The following VPS8 variants were observed in gnomAD, a reference collection of about 807,000 sequenced individuals.
The protein encoded by VPS8 is vacuolar protein sorting-associated protein 8 homolog.
A neutral mutation model predicts 216.4 loss-of-function variants in VPS8; 129 were observed. That is an observed-to-expected ratio of 0.60 (90% CI 0.52 to 0.69). The LOEUF (loss-of-function observed/expected upper bound fraction) is 0.69, where lower values mean the gene tolerates loss of function less well. Among genes scored for constraint, VPS8 ranks in the 30% least tolerant of loss-of-function variants. The probability of loss-of-function intolerance (pLI) is 0.00; values close to 1 mark genes in which losing one functional copy is unlikely to be tolerated. For missense variants in VPS8, 1,531 were observed against 1,683.5 expected (o/e 0.91, Z 1.59); for synonymous variants, 571 against 565.4 (o/e 1.01, Z -0.14).
chr3:184,832,463 C>A (rs1036805963), intron 3 of VPS8, among the ~76,000 whole-genome samples: 2 of 152,114 alleles, frequency 1.3e-5, no homozygotes, highest in African/African-American at 4.8e-5. Context: ...CTTCTTCCTG[C>A]TACACGAAAG....
intron 21 of VPS8, among the ~76,000 whole-genome samples, chr3:184,878,180 G>A (rs1174129752): frequency 1.3e-5 from 2 of 151,146 alleles, no homozygotes; most frequent in Non-Finnish European, 2.9e-5. Flanking sequence ...GCATGATCTC[G>A]GCTCACTGCA....
intron 21 of VPS8, among the ~76,000 whole-genome samples, chr3:184,875,396 A>G (rs1398094481): frequency 1.3e-5 from 2 of 152,074 alleles, no homozygotes; most frequent in African/African-American, 2.4e-5. Flanking sequence ...ATCTTGTCAC[A>G]TTTTGGACAG....
At chr3:184,849,677 T>C (rs576309266) in intron 9 of VPS8, 15 of 453,398 alleles carry the variant, frequency 3.3e-5, no homozygotes, top group African/African-American at 3.0e-4. Context: ...ATTAGAGAAA[T>C]ATCTTTTGTC....
intron 28 of VPS8, among the ~76,000 whole-genome samples, chr3:184,919,739 T>G (rs2109125469): frequency 6.6e-6 from 1 of 152,340 alleles, no homozygotes; most frequent in Admixed American, 6.5e-5. Flanking sequence ...AAAATGTGTC[T>G]TAGTTATTTC....
intron 44 of VPS8, among the ~76,000 whole-genome samples, chr3:184,998,542 G>A (rs1017445304): frequency 2.0e-5 from 2 of 101,712 alleles, no homozygotes; most frequent in Admixed American, 1.0e-4. Context: ...TATATATAGC[G>A]AGAGAGAGAG....
chr3:184,869,531 G>T lies in VPS8; in HGVS notation c.1644+3G>T. 2 of 1,613,226 alleles carry T rather than the reference G, an allele frequency of 1.2e-6. No individual in the cohort carries two copies. The highest frequency in any genetic ancestry group is 1.7e-6 in the Non-Finnish European group (2 of 1,179,400). On this transcript the variant is annotated splice_donor_region_variant and intron_variant, in intron 20 of 47. Transcript: ENST00000625842. ...GAAAGGCTATTGTTGCAGACCGGGT[G>T]AGTATTTTAAGAGGGTCTTTACTAG...
At chr3:185,001,727 G>A (rs1753452504) in intron 45 of VPS8, among the ~76,000 whole-genome samples, 1 of 152,148 alleles carries the variant, frequency 6.6e-6, no homozygotes, top group Non-Finnish European at 1.5e-5. Flanking sequence ...TCTAACCATG[G>A]CTTGGTCTTT....
At chr3:184,939,297 C>G (rs1281017673) in intron 35 of VPS8, among the ~76,000 whole-genome samples, 1 of 151,718 alleles carries the variant, frequency 6.6e-6, no homozygotes, top group East Asian at 1.9e-4. Context: ...AATAGAAAAT[C>G]AGACTGATAA....
intron 45 of VPS8, among the ~76,000 whole-genome samples, chr3:185,000,836 A>C (rs1753315953): frequency 6.6e-6 from 1 of 151,946 alleles, no homozygotes; most frequent in Non-Finnish European, 1.5e-5. Context: ...CGATCTCCTG[A>C]CCTCGTGATC....
At chr3:184,927,402 A>G (rs2109205266) in intron 31 of VPS8, among the ~76,000 whole-genome samples, 1 of 152,292 alleles carries the variant, frequency 6.6e-6, no homozygotes, top group East Asian at 1.9e-4. Context: ...TTATCCGCAC[A>G]GCTATGGCCC....
chr3:184,887,530 A>G (rs1429105643), intron 22 of VPS8, among the ~76,000 whole-genome samples: 1 of 152,016 alleles, frequency 6.6e-6, no homozygotes, highest in Non-Finnish European at 1.5e-5. Context: ...TATCATCCAC[A>G]TTTTATATAA....
chr3:185,003,459 C>T (rs1384934180), intron 45 of VPS8, among the ~76,000 whole-genome samples: 1 of 144,532 alleles, frequency 6.9e-6, no homozygotes, highest in Admixed American at 6.9e-5. Context: ...TCAGAGAGCA[C>T]AGGGTTGGGG....
intron 1 of VPS8, among the ~76,000 whole-genome samples, chr3:184,823,620 TTC>T (rs1311912047): frequency 6.6e-6 from 1 of 152,236 alleles, no homozygotes; most frequent in East Asian, 1.9e-4. Flanking sequence ...AGGGCATTGT[TTC>T]TGTTTTCATA....
Position 184,869,597 on chromosome 3 carries a change from TG to T in VPS8, c.1644+72del. 3 of 1,483,204 alleles carry T rather than the reference TG, an allele frequency of 2.0e-6. No homozygotes were observed. In the South Asian group the frequency reaches 3.5e-5, roughly 17 times the overall value. The allele number at this position is 1,483,204 out of a possible 1,614,324, so 91.9% of individuals were successfully genotyped here. On this transcript the variant is annotated intron_variant, in intron 20 of 47. Transcript: ENST00000625842. Reference sequence around the variant, plus strand: ...TGCTTTTGTCATTTGCCAGTATCTTTGGGCATGAGTAGATAAATGGCTACAA... The same window carrying T: ...TGCTTTTGTCATTTGCCAGTATCTTTGGCATGAGTAGATAAATGGCTACAA...
intron 46 of VPS8, among the ~76,000 whole-genome samples, chr3:185,032,866 AC>A (rs1161380412): frequency 6.6e-6 from 1 of 152,120 alleles, no homozygotes; most frequent in Non-Finnish European, 1.5e-5. Flanking sequence ...ACGGGGTTTC[AC>A]CGAGTTAGCC....
intron 4 of VPS8, among the ~76,000 whole-genome samples, chr3:184,833,475 G>A (rs1161320313): frequency 2.6e-5 from 4 of 152,158 alleles, no homozygotes; most frequent in African/African-American, 4.8e-5. Flanking sequence ...GATAGGGGCT[G>A]TTGCTGGATA....
intron 11 of VPS8, among the ~76,000 whole-genome samples, chr3:184,853,590 G>C (rs1418388231): frequency 1.3e-5 from 2 of 152,178 alleles, no homozygotes; most frequent in Non-Finnish European, 2.9e-5. Context: ...GGAGTGAAGG[G>C]AGAGCCAGAT....
chr3:184,888,137 G>A (rs1731644676), intron 22 of VPS8, among the ~76,000 whole-genome samples: 1 of 151,904 alleles, frequency 6.6e-6, no homozygotes, highest in South Asian at 2.1e-4. Context: ...ACAGGCGCCC[G>A]CCACCATGCC....
intron 2 of VPS8, among the ~76,000 whole-genome samples, chr3:184,825,725 AC>A (rs1718615843): frequency 6.6e-6 from 1 of 151,794 alleles, no homozygotes; most frequent in Non-Finnish European, 1.5e-5. Flanking sequence ...TTATGATGAA[AC>A]CCCATCTCTA....
Sources: allele counts gnomAD v4.1 joint callset (sites outside exome capture counted in the v4.1 genomes callset), GRCh38; gene constraint gnomAD v4.1.1; transcripts MANE v1.5; gene names NCBI Gene and HGNC (gene_info 2026-07-23, HGNC 2026-07-21).